The following MTPAP variants were observed in gnomAD, a reference collection of about 807,000 sequenced individuals.
MTPAP encodes poly(A) RNA polymerase, mitochondrial.
Under a neutral mutation model 48.7 loss-of-function variants are expected in MTPAP, and 23 were observed. The ratio of observed to expected loss-of-function variants is 0.47; its 90% CI spans 0.34 to 0.67. The LOEUF (loss-of-function observed/expected upper bound fraction) is 0.67. MTPAP is among the 30% of genes least tolerant of loss of function. The pLI is 0.01. For synonymous variants in MTPAP, 257 were observed against 254.1 expected (o/e 1.01, Z -0.11); for missense variants, 614 against 694.3 (o/e 0.88, Z 1.30).
At chr10:30,326,674 A>G in intron 4 of MTPAP, 39 bp from the exon 5 acceptor site, 1 of 1,490,134 alleles carries the variant, frequency 6.7e-7, no homozygotes, top group Middle Eastern at 1.8e-4. Context: ...AGCTTTTGGT[A>G]AAAAAAACAA....
chr10:30,325,188 TATA>T (rs1289257556), intron 5 of MTPAP, among the ~76,000 whole-genome samples: 5 of 151,986 alleles, frequency 3.3e-5, no homozygotes, highest in South Asian at 2.1e-4. Flanking sequence ...ACAAAGAAAA[TATA>T]ATAATGATAG....
intron 4 of MTPAP, among the ~76,000 whole-genome samples, chr10:30,335,106 T>A (rs752138284): frequency 5.3e-5 from 8 of 152,232 alleles, no homozygotes; most frequent in Non-Finnish European, 1.2e-4. Flanking sequence ...AAATATCAAC[T>A]GGACATCCAC....
intron 5 of MTPAP, among the ~76,000 whole-genome samples, chr10:30,325,931 G>C (rs899805855): frequency 1.3e-5 from 2 of 151,854 alleles, no homozygotes; most frequent in African/African-American, 2.4e-5. Context: ...AACCACTTTT[G>C]GACCTAAGTA....
intron 1 of MTPAP, among the ~76,000 whole-genome samples, chr10:30,342,879 T>C (rs1834828295): frequency 6.6e-6 from 1 of 151,216 alleles, no homozygotes; most frequent in Non-Finnish European, 1.5e-5. Context: ...AGGCTAGGAG[T>C]TTTACAATCA....
Position 30,313,475 on chromosome 10 carries a change from G to C in MTPAP, c.*134C>G. 8.0e-7 allele frequency: 1 copy of C among 1,244,862 alleles called. No homozygotes were observed. The highest frequency in any genetic ancestry group is 1.2e-5 in the South Asian group (1 of 80,468). The allele number at this position is 1,244,862 out of a possible 1,614,324, so 77.1% of individuals were successfully genotyped here. ...CCAGAACTTCAGACCAGGTTAAGGGGGCCAATGAGAAGATCATGAAAAGTG... is the reference window on the plus strand; with the variant it reads ...CCAGAACTTCAGACCAGGTTAAGGGCGCCAATGAGAAGATCATGAAAAGTG... On this transcript the variant is annotated 3_prime_UTR_variant, in exon 9 of 9. Coordinates refer to ENST00000263063, the MANE Select transcript of MTPAP (RefSeq NM_018109.4).
chr10:30,348,936 G>T, intron 1 of MTPAP, 183 bp downstream of exon 1: 2 of 761,240 alleles, frequency 2.6e-6, no homozygotes, highest in South Asian at 1.7e-5. Flanking sequence ...TCTCACTTCT[G>T]CCTCAGCAAC....
chr10:30,312,806 G>C lies in MTPAP; in HGVS notation c.*803C>G, dbSNP rs1219433248. 6.6e-6 allele frequency: 1 copy of C among 151,832 alleles called. No individual in the cohort carries two copies. The highest frequency in any genetic ancestry group is 1.5e-5 in the Non-Finnish European group (1 of 67,972). The allele number at this position is 151,832 out of a possible 1,614,324, so 9.4% of individuals were successfully genotyped here. ...GGGGAGTTCTCAAAAGAGATGTGAA[G>C]GAATACTGGGAATATCACATTTTAG... On this transcript the variant is annotated 3_prime_UTR_variant, in exon 9 of 9. Transcript: ENST00000263063.
intron 1 of MTPAP, among the ~76,000 whole-genome samples, chr10:30,345,575 G>A (rs985062047): frequency 1.4e-4 from 22 of 152,182 alleles, no homozygotes; most frequent in African/African-American, 5.3e-4. Context: ...ATGTAGACAC[G>A]ATGACAAAGT....
In MTPAP at chr10:30,312,766, T is replaced by C. The variant is rs888504020; in HGVS notation, c.*843A>G. 4 of 152,238 alleles carry C rather than the reference T, an allele frequency of 2.6e-5. No homozygotes were observed. Among genetic ancestry groups the C allele is most frequent in the Non-Finnish European group, 5.9e-5 (4 of 68,024 alleles). The allele number at this position is 152,238 out of a possible 1,614,324, so 9.4% of individuals were successfully genotyped here. ...ATATACTGAGAGACAAATATGTCTC[T>C]TTCCTGCAGGAAGAGGGGAGTTCTC... On this transcript the variant is annotated 3_prime_UTR_variant, in exon 9 of 9. Transcript: ENST00000263063.
At chr10:30,316,420 T>C (rs1242629911) in intron 6 of MTPAP, among the ~76,000 whole-genome samples, 1 of 151,522 alleles carries the variant, frequency 6.6e-6, no homozygotes, top group Admixed American at 6.6e-5. Context: ...TTTTTGTATT[T>C]TTAATAGGGA....
rs771597303 is a variant in MTPAP, at chr10:30,313,565, C to T, written c.*44G>A. 1 of 1,612,690 alleles carries T rather than the reference C, an allele frequency of 6.2e-7. No homozygotes were observed. The highest frequency in any genetic ancestry group is 8.5e-7 in the Non-Finnish European group (1 of 1,179,200). ...AGTTTTTCCAAGTAAGTCCACAGACCATTTGATAGGCTAAGCCCAGTTCTT... is the reference window on the plus strand; with the variant it reads ...AGTTTTTCCAAGTAAGTCCACAGACTATTTGATAGGCTAAGCCCAGTTCTT... On this transcript the variant is annotated 3_prime_UTR_variant, in exon 9 of 9. Transcript: ENST00000263063.
chr10:30,313,551 G>T lies in MTPAP; in HGVS notation c.*58C>A. The T allele has an allele frequency of 6.2e-7, 1 of 1,607,350 alleles. No homozygotes were observed. Among genetic ancestry groups the T allele is most frequent in the Non-Finnish European group, 8.5e-7 (1 of 1,175,684 alleles). On this transcript the variant is annotated 3_prime_UTR_variant, in exon 9 of 9. Coordinates refer to ENST00000263063, the MANE Select transcript of MTPAP (RefSeq NM_018109.4). ...GAAAGTTTCAAATCAGTTTTTCCAA[G>T]TAAGTCCACAGACCATTTGATAGGC...
chr10:30,321,922 A>C (rs530412743), intron 6 of MTPAP, among the ~76,000 whole-genome samples: 1 of 152,374 alleles, frequency 6.6e-6, no homozygotes, highest in South Asian at 2.1e-4. Flanking sequence ...ATAGTATGTC[A>C]AATTTAAAAT....
rs537971320 is a variant in MTPAP at position 30,336,835 on chromosome 10, G to C, written c.748C>G (p.Leu250Val). Residue 250 changes from leucine (L) to valine (V), a missense_variant, in exon 4 of 9, where the codon CTA becomes GTA. Leu to Val is a conservative substitution (Grantham distance 32). Transcript: ENST00000263063. ...LGCDLDMFLDLDETRNLSAHK... is the reference protein window; with the variant it reads ...LGCDLDMFLDVDETRNLSAHK... ...GCGCTGAGGTTTCTGGTTTCATCTA[G>C]ATCCAAAAACATGTCCAAATCACAT... 57 of 1,611,946 alleles carry C rather than the reference G, an allele frequency of 3.5e-5. No homozygotes were observed. In the South Asian group the frequency reaches 4.6e-4, roughly 13 times the overall value.
chr10:30,344,593 A>G (rs1185594251), intron 1 of MTPAP, among the ~76,000 whole-genome samples: 1 of 151,982 alleles, frequency 6.6e-6, no homozygotes, highest in African/African-American at 2.4e-5. Flanking sequence ...TGCCTAGACC[A>G]CCTTACCACC....
chr10:30,329,942 T>G (rs1280029849), intron 4 of MTPAP, among the ~76,000 whole-genome samples: 1 of 151,152 alleles, frequency 6.6e-6, no homozygotes, highest in Non-Finnish European at 1.5e-5. Context: ...TTATTATCGG[T>G]AAAGATTATG....
chr10:30,326,460 G>A lies in MTPAP; in HGVS notation c.956C>T (p.Ala319Val). 1.2e-6 allele frequency: 2 copies of A among 1,614,040 alleles called. No homozygotes were observed. Among genetic ancestry groups the A allele is most frequent in the Non-Finnish European group, 1.7e-6 (2 of 1,180,008 alleles). ...AGTCAAATCACACTGAAATCCGGAG[G>A]CCTGGTGTGAGAACCTCACGAGCGG... ...RCPLVRFSHQ[A>V]SGFQCDLTTN... Residue 319 changes from alanine to valine, a missense_variant, in exon 5 of 9, where the codon GCC becomes GTC. Ala to Val is a moderately conservative substitution (Grantham distance 64, BLOSUM62 0). Transcript: ENST00000263063.
chr10:30,311,918 T>TGG lies in MTPAP; in HGVS notation c.*1689_*1690dup, dbSNP rs1840597595. ...ATTCCAACACTTTGGAAGGCCAAGG[T>TGG]GGGCGATCACCTGAGGTCAGGAGTT... On this transcript the variant is annotated 3_prime_UTR_variant, in exon 9 of 9. Coordinates refer to ENST00000263063, the MANE Select transcript of MTPAP (RefSeq NM_018109.4). 1 of 152,422 alleles carries TGG rather than the reference T, an allele frequency of 6.6e-6. No homozygotes were observed. The highest frequency in any genetic ancestry group is 1.9e-4 in the East Asian group (1 of 5,202). 9.4% of individuals were successfully genotyped at this position (152,422 alleles called of 1,614,324 possible).
At chr10:30,334,952 T>C (rs1355877020) in intron 4 of MTPAP, among the ~76,000 whole-genome samples, 4 of 152,280 alleles carry the variant, frequency 2.6e-5, no homozygotes, top group Non-Finnish European at 2.9e-5. Context: ...ATACAAAAGA[T>C]AACAACTTAG....
Sources: allele counts gnomAD v4.1 joint callset (sites outside exome capture counted in the v4.1 genomes callset), GRCh38; gene constraint gnomAD v4.1.1; transcripts MANE v1.5; gene names NCBI Gene and HGNC (gene_info 2026-07-23, HGNC 2026-07-21).